Variants in RCSD1 observed in about 807,000 individuals in gnomAD.
The protein encoded by RCSD1 is RCSD domain containing 1.
In RCSD1, 26 loss-of-function variants were observed where a neutral mutation model predicts 42.5. That is an observed-to-expected ratio of 0.61 (90% CI 0.45 to 0.85). The LOEUF (loss-of-function observed/expected upper bound fraction) is 0.85. RCSD1 is among the 40% of genes least tolerant of loss of function. The probability of loss-of-function intolerance (pLI) is 0.00; values close to 1 mark genes in which losing one functional copy is unlikely to be tolerated. For missense variants in RCSD1, 571 were observed against 528.3 expected, an observed-to-expected ratio of 1.08 and a Z score of -0.79; for synonymous variants, 220 against 212.2, an observed-to-expected ratio of 1.04 and a Z score of -0.32.
At chr1:167,665,995 C>T (rs963021951) in intron 1 of RCSD1, among the ~76,000 whole-genome samples, 4 of 151,954 alleles carry the variant, frequency 2.6e-5, no homozygotes, top group Admixed American at 2.6e-4. Flanking sequence ...TATTTTTAGT[C>T]GAGACGGGGT....
At chr1:167,642,409 A>G (rs1558072487) in intron 1 of RCSD1, among the ~76,000 whole-genome samples, 1 of 152,236 alleles carries the variant, frequency 6.6e-6, no homozygotes, top group Non-Finnish European at 1.5e-5. Flanking sequence ...TTGAAATGAA[A>G]ACTGCTTCAT....
chr1:167,703,057 T>G (rs551122327), intron 6 of RCSD1, among the ~76,000 whole-genome samples: 1 of 152,344 alleles, frequency 6.6e-6, no homozygotes, highest in East Asian at 1.9e-4. Flanking sequence ...CCTGAGCTGA[T>G]GAAATACATC....
At chr1:167,685,942 G>A (rs781668595) in intron 3 of RCSD1, among the ~76,000 whole-genome samples, 6 of 152,142 alleles carry the variant, frequency 3.9e-5, no homozygotes, top group Non-Finnish European at 8.8e-5. Flanking sequence ...AGAAAACCCC[G>A]TGATTCTGCA....
chr1:167,668,671 C>G (rs1279512044), intron 1 of RCSD1, among the ~76,000 whole-genome samples: 1 of 151,834 alleles, frequency 6.6e-6, no homozygotes, highest in Non-Finnish European at 1.5e-5. Flanking sequence ...TTCCTAAACC[C>G]TGAGCACCAA....
Position 167,665,257 on chromosome 1 carries a change from C to G in RCSD1, c.7-18643C>G, listed in dbSNP as rs189395412. Among the ~76,000 whole-genome samples the G allele has an allele frequency of 4.9e-4, 75 of 152,268 alleles. No homozygotes were observed. In the East Asian group the frequency reaches 6.0e-3, roughly 12 times the overall value. Reference sequence around the variant, plus strand: ...CTGACCTCTTTCACTTAACACAATGCTTTTCAGATTCATGCATGTTGCTGT... The same window carrying G: ...CTGACCTCTTTCACTTAACACAATGGTTTTCAGATTCATGCATGTTGCTGT... On this transcript the variant is annotated intron_variant, in intron 1 of 6. Transcript: ENST00000367854.
chr1:167,675,571 G>A (rs181633397), intron 1 of RCSD1, among the ~76,000 whole-genome samples: 2 of 152,154 alleles, frequency 1.3e-5, no homozygotes, highest in African/African-American at 4.8e-5. Flanking sequence ...GTCAGACATG[G>A]ACTTGATATT....
chr1:167,677,105 T>C (rs1024059451), intron 1 of RCSD1, among the ~76,000 whole-genome samples: 5 of 152,250 alleles, frequency 3.3e-5, no homozygotes, highest in Non-Finnish European at 7.3e-5. Flanking sequence ...TCTGATTACA[T>C]GTATTTGTTA....
At chr1:167,670,211 A>G (rs1658768980) in intron 1 of RCSD1, among the ~76,000 whole-genome samples, 1 of 152,184 alleles carries the variant, frequency 6.6e-6, no homozygotes, top group East Asian at 1.9e-4. Context: ...AGAGAGTCAG[A>G]GTAGTGCATA....
At chr1:167,659,740 C>T (rs545409408) in intron 1 of RCSD1, among the ~76,000 whole-genome samples, 60 of 152,280 alleles carry the variant, frequency 3.9e-4, no homozygotes, top group African/African-American at 1.4e-3. Context: ...TCAGCCCCCT[C>T]CCCCATTTGC....
At chr1:167,658,284 T>C (rs1039344240) in intron 1 of RCSD1, among the ~76,000 whole-genome samples, 1 of 152,252 alleles carries the variant, frequency 6.6e-6, no homozygotes, top group African/African-American at 2.4e-5. Flanking sequence ...ATTGTGAGCA[T>C]ATGTGTACAT....
chr1:167,685,523 G>A lies in RCSD1; in HGVS notation c.198+13G>A, dbSNP rs780473748. 3.7e-6 allele frequency: 6 copies of A among 1,609,202 alleles called. No individual in the cohort carries two copies. In the Admixed American group the frequency reaches 8.4e-5, roughly 22 times the overall value. On this transcript the variant is annotated intron_variant, in intron 3 of 6. Transcript: ENST00000367854. ...GAATGGTGAGGAGGTAAGTGCTGCT[G>A]TTGGGGCTCAGAGGATGCTGTGATG...
At chr1:167,636,022 A>T (rs554897185) in intron 1 of RCSD1, among the ~76,000 whole-genome samples, 1 of 152,324 alleles carries the variant, frequency 6.6e-6, no homozygotes, top group East Asian at 1.9e-4. Context: ...CCTGAAGCTC[A>T]TCACCAGAGC....
intron 1 of RCSD1, among the ~76,000 whole-genome samples, chr1:167,639,524 GCT>G (rs1657952222): frequency 6.6e-6 from 1 of 151,548 alleles, no homozygotes; most frequent in Non-Finnish European, 1.5e-5. Context: ...GTGGAGTCTT[GCT>G]CTGTCTCCCA....
chr1:167,634,725 AG>A (rs924343569), intron 1 of RCSD1, among the ~76,000 whole-genome samples: 29 of 152,350 alleles, frequency 1.9e-4, no homozygotes, highest in African/African-American at 5.1e-4. Context: ...ACTGAAAAAA[AG>A]TCATAAATTT....
chr1:167,666,592 C>G lies in RCSD1; in HGVS notation c.7-17308C>G, dbSNP rs74680680. On this transcript the variant is annotated intron_variant, in intron 1 of 6. Transcript: ENST00000367854. ...ATTCTCATGGGACCATGACGGAAAG[C>G]CCTGGAATGCTTTCCGTCAGCCCTG... Among the ~76,000 whole-genome samples the G allele has an allele frequency of 1.6e-3, 241 of 152,256 alleles. 7 individuals carry two copies. In the East Asian group the frequency reaches 0.03, roughly 19 times the overall value.
In RCSD1 at chr1:167,648,118, C is replaced by T. The variant is rs191961782; in HGVS notation, c.6+17689C>T. Among the ~76,000 whole-genome samples the T allele has an allele frequency of 6.4e-4, 97 of 152,292 alleles. 1 individual carries two copies. The highest frequency in any genetic ancestry group is 2.3e-3 in the African/African-American group (96 of 41,536). On this transcript the variant is annotated intron_variant, in intron 1 of 6. Transcript: ENST00000367854. ...CTCTGTACTCTATCTTTTCTCTTAACATTATTTCCAGGTCAGTATTCTTGT... is the reference window on the plus strand; with the variant it reads ...CTCTGTACTCTATCTTTTCTCTTAATATTATTTCCAGGTCAGTATTCTTGT...
At chr1:167,694,372 C>A in intron 5 of RCSD1, 70 bp downstream of exon 5, 1 of 1,411,996 alleles carries the variant, frequency 7.1e-7, no homozygotes, top group Non-Finnish European at 9.8e-7. Context: ...TGAATTTTCT[C>A]TACCCTGTTG....
Position 167,697,502 on chromosome 1 carries a change from A to G in RCSD1, c.878A>G (p.Glu293Gly). 1 of 1,607,598 alleles carries G rather than the reference A, an allele frequency of 6.2e-7. No homozygotes were observed. Among genetic ancestry groups the G allele is most frequent in the Non-Finnish European group, 8.5e-7 (1 of 1,177,142 alleles). Residue 293 changes from glutamate (E) to glycine (G), a missense_variant, in exon 6 of 7, where the codon GAA (glutamate) becomes GGA (glycine). Glu to Gly is a moderately conservative substitution (Grantham distance 98). Coordinates refer to ENST00000367854, the MANE Select transcript of RCSD1 (RefSeq NM_052862.4). ...CCCCAGACCTCTGGCCCAGAGGCAG[A>G]AAATAGGTGTGGGAGCCCCAGGGAG... ...ESPQTSGPEAENRCGSPREEK... is the reference protein window; with the variant it reads ...ESPQTSGPEAGNRCGSPREEK...
chr1:167,646,535 A>G (rs1658152731), intron 1 of RCSD1, among the ~76,000 whole-genome samples: 1 of 139,790 alleles, frequency 7.2e-6, no homozygotes, highest in African/African-American at 2.7e-5. Context: ...TTTTCTTTTT[A>G]TATTACTTTA....
Sources: gnomAD v4.1 joint callset for allele counts (sites outside exome capture counted in the v4.1 genomes callset) on GRCh38, gnomAD v4.1.1 for gene constraint, MANE v1.5 for transcripts, NCBI Gene and HGNC (gene_info 2026-07-23, HGNC 2026-07-21) for gene names.